DCC: variants seen among roughly 807,000 people sequenced by gnomAD.
DCC encodes the protein netrin receptor DCC.
Under a neutral mutation model 172.5 loss-of-function variants are expected in DCC, and 58 were observed. The ratio of observed to expected loss-of-function variants is 0.34; its 90% CI spans 0.27 to 0.42. DCC has a LOEUF of 0.42. Among genes scored for constraint, DCC ranks in the 10% least tolerant of loss-of-function variants. DCC has a pLI of 1.00. For synonymous variants in DCC, 709 were observed against 644.5 expected (o/e 1.10, Z -1.52); for missense variants, 1,740 against 1,791.0 (o/e 0.97, Z 0.51).
chr18:52,721,352 C>G (rs1658703307), intron 1 of DCC, among the ~76,000 whole-genome samples: 1 of 152,084 alleles, frequency 6.6e-6, no homozygotes, highest in Admixed American at 6.5e-5. Context: ...CCTTCAAGCT[C>G]AAAAAATTCT....
intron 5 of DCC, among the ~76,000 whole-genome samples, chr18:52,978,978 G>A (rs936464577): frequency 1.8e-4 from 27 of 152,230 alleles, no homozygotes; most frequent in East Asian, 1.9e-4. Flanking sequence ...TAGGCATTTA[G>A]GTTGGTTCCA....
intron 1 of DCC, among the ~76,000 whole-genome samples, chr18:52,672,761 C>T (rs1467740128): frequency 1.3e-5 from 2 of 150,632 alleles, no homozygotes; most frequent in Non-Finnish European, 2.9e-5. Context: ...TTGATGAAGA[C>T]CTCACATTGA....
chr18:52,951,079 C>A (rs1277941276), intron 5 of DCC, among the ~76,000 whole-genome samples: 3 of 151,646 alleles, frequency 2.0e-5, no homozygotes, highest in Non-Finnish European at 4.4e-5. Context: ...GTTGCTCGGT[C>A]CTGCATTGCC....
rs530562947 is a variant in DCC, at chr18:52,633,550, C to A, written c.92-118504C>A. ...TGATGGAGGCTAAATTAAATTAATT[C>A]AAAGACCCCACAATGCCAAAGATTC... On this transcript the variant is annotated intron_variant, in intron 1 of 28. Transcript: ENST00000442544. Among the ~76,000 whole-genome samples the A allele has an allele frequency of 4.6e-5, 7 of 152,242 alleles. No homozygotes were observed. In the South Asian group the frequency reaches 1.2e-3, roughly 27 times the overall value.
At chr18:53,121,439 T>C (rs909790675) in intron 7 of DCC, among the ~76,000 whole-genome samples, 1 of 151,956 alleles carries the variant, frequency 6.6e-6, no homozygotes, top group African/African-American at 2.4e-5. Context: ...TTCTTATTGT[T>C]GTCTTCCCAT....
intron 1 of DCC, among the ~76,000 whole-genome samples, chr18:52,750,247 A>C (rs1424892500): frequency 1.3e-5 from 2 of 152,130 alleles, no homozygotes; most frequent in Admixed American, 6.5e-5. Flanking sequence ...GGCTTAAAAG[A>C]CCTTTCTGAG....
At chr18:52,713,023 A>G (rs1331600520) in intron 1 of DCC, among the ~76,000 whole-genome samples, 2 of 152,042 alleles carry the variant, frequency 1.3e-5, no homozygotes, top group Non-Finnish European at 2.9e-5. Context: ...TTTTGAATTA[A>G]TTTTCCTAAT....
intron 2 of DCC, among the ~76,000 whole-genome samples, chr18:52,864,379 A>G (rs1416857373): frequency 6.6e-6 from 1 of 152,224 alleles, no homozygotes; most frequent in Non-Finnish European, 1.5e-5. Flanking sequence ...AGTATTTTAC[A>G]AGGAAACACA....
chr18:52,764,013 AT>A (rs2037204251), intron 2 of DCC, among the ~76,000 whole-genome samples: 1 of 152,204 alleles, frequency 6.6e-6, no homozygotes, highest in African/African-American at 2.4e-5. Flanking sequence ...ATGTTCTTGT[AT>A]TTAGTAAATG....
chr18:53,047,241 T>G (rs1163255310), intron 5 of DCC, among the ~76,000 whole-genome samples: 3 of 4,450 alleles, frequency 6.7e-4, no homozygotes, highest in South Asian at 6.8e-3. Flanking sequence ...GTAGGATATA[T>G]ATATATATAT....
rs374457808 is a variant in DCC, at chr18:53,439,803, C to T, written c.3229+4594C>T. ...TTTTTGAGACGGAGTCTCGCTCTGTCGCCCAGGCTGGAGTGCAGTGGCGGG... is the reference window on the plus strand; with the variant it reads ...TTTTTGAGACGGAGTCTCGCTCTGTTGCCCAGGCTGGAGTGCAGTGGCGGG... On this transcript the variant is annotated intron_variant, in intron 22 of 28. Transcript: ENST00000442544. 1.2e-4 allele frequency among the ~76,000 whole-genome samples: 16 copies of T among 135,364 alleles called. 1 individual carries two copies. In the East Asian group the frequency reaches 2.5e-3, roughly 21 times the overall value. The allele number at this position is 135,364 out of a possible 152,430, so 88.8% of individuals were successfully genotyped here.
intron 15 of DCC, among the ~76,000 whole-genome samples, chr18:53,371,226 T>C (rs2058057760): frequency 6.6e-6 from 1 of 151,988 alleles, no homozygotes; most frequent in Non-Finnish European, 1.5e-5. Context: ...TCTGTCTATT[T>C]GCAGCTTATT....
At chr18:53,290,446 GT>G (rs1458177600) in intron 12 of DCC, among the ~76,000 whole-genome samples, 1 of 152,112 alleles carries the variant, frequency 6.6e-6, no homozygotes, top group Non-Finnish European at 1.5e-5. Context: ...TAAGTACTCT[GT>G]AATTACTGTA....
intron 1 of DCC, among the ~76,000 whole-genome samples, chr18:52,741,400 C>T (rs1277876226): frequency 6.6e-6 from 1 of 152,108 alleles, no homozygotes; most frequent in Non-Finnish European, 1.5e-5. Flanking sequence ...GGTTCTCATC[C>T]TCATCACTAC....
At chr18:53,450,433 A>C in intron 22 of DCC, 67 bp from the exon 23 acceptor site, 1 of 1,575,604 alleles carries the variant, frequency 6.3e-7, no homozygotes, top group Non-Finnish European at 8.7e-7. Context: ...GTATATCCCA[A>C]GAGAGCTTGG....
At chr18:53,161,507 A>G (rs1369100418) in intron 8 of DCC, among the ~76,000 whole-genome samples, 2 of 152,182 alleles carry the variant, frequency 1.3e-5, no homozygotes, top group Non-Finnish European at 2.9e-5. Flanking sequence ...TATTCTGTGA[A>G]CATGCTGATG....
chr18:52,986,359 T>C (rs911635082), intron 5 of DCC, among the ~76,000 whole-genome samples: 3 of 152,220 alleles, frequency 2.0e-5, no homozygotes, highest in Non-Finnish European at 4.4e-5. Flanking sequence ...GGGCAGCGAA[T>C]GGCCCAGATA....
At chr18:53,143,220 T>C (rs1051726643) in intron 7 of DCC, among the ~76,000 whole-genome samples, 4 of 152,152 alleles carry the variant, frequency 2.6e-5, no homozygotes, top group African/African-American at 9.7e-5. Flanking sequence ...CCTCACCTCT[T>C]TTTTTAATGG....
At chr18:53,047,283 T>A (rs1164769610) in intron 5 of DCC, among the ~76,000 whole-genome samples, 13 of 17,976 alleles carry the variant, frequency 7.2e-4, no homozygotes, top group African/African-American at 4.5e-3. Context: ...TATATATATA[T>A]ATATAATTTT....
Sources: gnomAD v4.1 joint callset for allele counts (sites outside exome capture counted in the v4.1 genomes callset) on GRCh38, gnomAD v4.1.1 for gene constraint, MANE v1.5 for transcripts, NCBI Gene and HGNC (gene_info 2026-07-23, HGNC 2026-07-21) for gene names.